Variants in PTPRN2 observed in about 807,000 individuals in gnomAD.
PTPRN2 encodes receptor-type tyrosine-protein phosphatase N2.
Under a neutral mutation model 118.8 loss-of-function variants are expected in PTPRN2, and 74 were observed. The observed-to-expected ratio is 0.62, with a 90% CI of 0.52 to 0.76. The LOEUF is 0.76. Among genes scored for constraint, PTPRN2 ranks in the 30% least tolerant of loss-of-function variants. The pLI is 0.00. For synonymous variants in PTPRN2, 641 were observed against 608.0 expected (o/e 1.05, Z -0.80); for missense variants, 1,481 against 1,394.4 (o/e 1.06, Z -0.99).
chr7:157,662,005 G>A (rs1311784424), intron 13 of PTPRN2, among the ~76,000 whole-genome samples: 2 of 152,192 alleles, frequency 1.3e-5, no homozygotes, highest in African/African-American at 4.8e-5. Flanking sequence ...GATGAGAACT[G>A]CAAAAACAGA....
chr7:158,194,194 GTGTA>G (rs1309413529), intron 4 of PTPRN2, among the ~76,000 whole-genome samples: 1 of 152,208 alleles, frequency 6.6e-6, no homozygotes, highest in Non-Finnish European at 1.5e-5. Flanking sequence ...GCGTTTGTCT[GTGTA>G]TGTGTGCGCC....
intron 11 of PTPRN2, among the ~76,000 whole-genome samples, chr7:157,978,918 C>T (rs376328523): frequency 6.6e-6 from 1 of 152,058 alleles, no homozygotes; most frequent in African/African-American, 2.4e-5. Flanking sequence ...CCTGGCGACT[C>T]ACAAGGCTGG....
chr7:158,537,287 G>A (rs924063346), intron 1 of PTPRN2, among the ~76,000 whole-genome samples: 3 of 152,242 alleles, frequency 2.0e-5, no homozygotes, highest in African/African-American at 4.8e-5. Context: ...TAACTGGAGA[G>A]GGATGGCTTA....
intron 3 of PTPRN2, among the ~76,000 whole-genome samples, chr7:158,225,311 A>T (rs1828669519): frequency 6.6e-6 from 1 of 151,928 alleles, no homozygotes; most frequent in Non-Finnish European, 1.5e-5. Context: ...ATAGCCCCAA[A>T]CTGGGAACCA....
chr7:158,484,122 C>T (rs558327896), intron 2 of PTPRN2, among the ~76,000 whole-genome samples: 60 of 152,166 alleles, frequency 3.9e-4, no homozygotes, highest in African/African-American at 1.4e-3. Flanking sequence ...CCAACCTTGG[C>T]GACAGAACAA....
intron 12 of PTPRN2, among the ~76,000 whole-genome samples, chr7:157,711,491 T>G (rs1333892906): frequency 6.6e-6 from 1 of 152,174 alleles, no homozygotes; most frequent in Non-Finnish European, 1.5e-5. Context: ...TGTGCTCCCC[T>G]GCAGCCCGGG....
intron 11 of PTPRN2, among the ~76,000 whole-genome samples, chr7:157,957,116 AT>A (rs1299743166): frequency 6.6e-6 from 1 of 152,226 alleles, no homozygotes; most frequent in Non-Finnish European, 1.5e-5. Context: ...AGAAGGGTTA[AT>A]AAACAGCTCA....
intron 13 of PTPRN2, among the ~76,000 whole-genome samples, chr7:157,657,700 C>G (rs1215796198): frequency 7.1e-6 from 1 of 140,502 alleles, no homozygotes; most frequent in Non-Finnish European, 1.5e-5. Context: ...CACATATACA[C>G]ACACATACAC....
At chr7:158,126,196 C>CG (rs781078209) in intron 9 of PTPRN2, among the ~76,000 whole-genome samples, 28 of 22,842 alleles carry the variant, frequency 1.2e-3, no homozygotes, top group East Asian at 1.7e-3. Flanking sequence ...CCCAGGACAG[C>CG]GGCGGCGGAA....
At chr7:157,653,430 T>C (rs1040504796) in intron 14 of PTPRN2, among the ~76,000 whole-genome samples, 9 of 151,978 alleles carry the variant, frequency 5.9e-5, no homozygotes, top group Admixed American at 5.9e-4. Flanking sequence ...CTGTGATGAG[T>C]CGGAAGGTCG....
At chr7:158,309,986 C>T (rs1416403347) in intron 3 of PTPRN2, among the ~76,000 whole-genome samples, 3 of 152,128 alleles carry the variant, frequency 2.0e-5, no homozygotes, top group Non-Finnish European at 1.5e-5. Flanking sequence ...CATGAGGACA[C>T]GGGGGGAAGA....
Position 158,133,750 on chromosome 7 carries a change from G to A in PTPRN2, c.1483C>T (p.Leu495Phe), listed in dbSNP as rs769339999. ...QSLPAGAQEA[L>F]SDGLQLEVQP... is the part of the protein sequence containing the mutation. ...ACCTCCAATTGCAGGCCGTCGCTGA[G>A]GGCCTCCTGAGCACCCGCTGGAAGG... Residue 495 changes from leucine to phenylalanine, a missense_variant, in exon 9 of 23, where the codon CTC becomes TTC. Physicochemically the swap from Leu to Phe is conservative, Grantham distance 22. Coordinates refer to ENST00000389418, the MANE Select transcript of PTPRN2 (RefSeq NM_002847.5). 1.9e-6 allele frequency: 3 copies of A among 1,613,258 alleles called. No individual in the cohort carries two copies. Among genetic ancestry groups the A allele is most frequent in the African/African-American group, 1.3e-5 (1 of 75,040 alleles).
rs115143544 is a variant in PTPRN2, at chr7:158,509,011, T to C, written c.113-19226A>G. Reference sequence around the variant, plus strand: ...GAAGCTGAGCTCACAAGGGGTCGGATTGCAAGATCTCTTCAGAGGTGGAAG... The same window carrying C: ...GAAGCTGAGCTCACAAGGGGTCGGACTGCAAGATCTCTTCAGAGGTGGAAG... On this transcript the variant is annotated intron_variant, in intron 1 of 22. Transcript: ENST00000389418. This position sits in a 1 kb window ranked among gnomAD's most constrained non-coding sequence, Gnocchi z 4.4. 3.1e-3 allele frequency among the ~76,000 whole-genome samples: 470 copies of C among 150,806 alleles called. 6 individuals carry two copies. Among genetic ancestry groups the C allele is most frequent in the African/African-American group, 0.011 (444 of 40,248 alleles).
intron 2 of PTPRN2, among the ~76,000 whole-genome samples, chr7:158,417,582 C>T (rs1219651426): frequency 7.5e-6 from 1 of 132,952 alleles, no homozygotes; most frequent in Non-Finnish European, 1.6e-5. Context: ...GTCATGATGT[C>T]CTACATCGAG....
At chr7:158,238,235 TC>T (rs1437403486) in intron 3 of PTPRN2, among the ~76,000 whole-genome samples, 2 of 151,916 alleles carry the variant, frequency 1.3e-5, no homozygotes, top group African/African-American at 4.8e-5. Context: ...CTGGGGGGCA[TC>T]CCTCCCTACA....
At chr7:157,923,948 T>C (rs1334692947) in intron 11 of PTPRN2, among the ~76,000 whole-genome samples, 3 of 152,102 alleles carry the variant, frequency 2.0e-5, no homozygotes, top group Non-Finnish European at 4.4e-5. Context: ...GAGGCTGGCT[T>C]TGGTGTGCTG....
chr7:158,065,131 G>A (rs541667377), intron 11 of PTPRN2, among the ~76,000 whole-genome samples: 9 of 152,260 alleles, frequency 5.9e-5, no homozygotes, highest in African/African-American at 7.2e-5. Flanking sequence ...GACTCGGGAC[G>A]AGAGAAACGC....
At position 158,337,616 on chromosome 7, in the gene PTPRN2, GAGGAGACACCTGCAGACGTCATTCACAC is replaced by G. The variant is rs1563168177; in HGVS notation, c.164-20712_164-20685del. Among the ~76,000 whole-genome samples the G allele has an allele frequency of 1.2e-4, 4 of 32,498 alleles. No homozygotes were observed. In the East Asian group the frequency reaches 4.1e-3, roughly 34 times the overall value. The allele number at this position is 32,498 out of a possible 152,430, so 21.3% of individuals were successfully genotyped here. On this transcript the variant is annotated intron_variant, in intron 2 of 22. Transcript: ENST00000389418. ...ACTCACACCCACACTCTCACCATAA[GAGGAGACACCTGCAGACGTCATTCACAC>G]CCACACTCTCACCATAATTGGTGAC...
intron 2 of PTPRN2, among the ~76,000 whole-genome samples, chr7:158,473,902 T>G (rs779619500): frequency 6.6e-6 from 1 of 152,212 alleles, no homozygotes; most frequent in Non-Finnish European, 1.5e-5. Flanking sequence ...ATCTCAGATA[T>G]TAACATTCCT....
Sources: allele counts gnomAD v4.1 joint callset (sites outside exome capture counted in the v4.1 genomes callset), GRCh38; gene constraint gnomAD v4.1.1; non-coding constraint Gnocchi (gnomAD v3.1); transcripts MANE v1.5; gene names NCBI Gene and HGNC (gene_info 2026-07-23, HGNC 2026-07-21).